The following EPG5 variants were observed in gnomAD, a reference collection of about 807,000 sequenced individuals.
The protein encoded by EPG5 is ectopic P-granules 5 autophagy tethering factor, also known as ectopic P granules protein 5 homolog.
EPG5 carries 159 observed loss-of-function variants against 302.7 expected under a neutral mutation model. That is an observed-to-expected ratio of 0.53 (90% CI 0.46 to 0.60). EPG5 has a LOEUF of 0.60. EPG5 is among the 20% of genes least tolerant of loss of function. The pLI, the probability that EPG5 is intolerant of heterozygous loss-of-function variation, is 0.00. For missense variants in EPG5, 2,896 were observed against 3,092.4 expected (o/e 0.94, Z 1.51); for synonymous variants, 1,158 against 1,136.8 (o/e 1.02, Z -0.37).
chr18:45,821,768 AC>A, the EPG5 span, among the ~76,000 whole-genome samples: 1 of 152,200 alleles, frequency 6.6e-6, no homozygotes, highest in Non-Finnish European at 1.5e-5. Context: ...CAGCAACAAA[AC>A]AAACAATGCA....
chr18:45,809,333 A>G, the EPG5 span, among the ~76,000 whole-genome samples: 1 of 152,188 alleles, frequency 6.6e-6, no homozygotes, highest in Non-Finnish European at 1.5e-5. Context: ...AAAGGCAACA[A>G]AAAAAATTGA....
chr18:45,802,586 C>A, the EPG5 span, among the ~76,000 whole-genome samples: 1 of 152,148 alleles, frequency 6.6e-6, no homozygotes, highest in Admixed American at 6.5e-5. Context: ...CAACCCCACC[C>A]CAGTGCCCAG....
chr18:45,818,580 T>A, the EPG5 span, among the ~76,000 whole-genome samples: 1 of 152,180 alleles, frequency 6.6e-6, no homozygotes, highest in East Asian at 1.9e-4. Context: ...AGTACATTTA[T>A]CAGCCATTTT....
In EPG5 at chr18:45,916,509, G is replaced by A. The variant is rs200305944; in HGVS notation, c.3313C>T (p.His1105Tyr). 5.7e-5 allele frequency: 92 copies of A among 1,613,704 alleles called. No individual in the cohort carries two copies. In the African/African-American group the frequency reaches 1.0e-3, roughly 18 times the overall value. Reference sequence around the variant, plus strand: ...CCTGTCAGGTGCTGTGCCACCTTGTGGGTGACCTGTTGTGTGACACCCTGA... The same window carrying A: ...CCTGTCAGGTGCTGTGCCACCTTGTAGGTGACCTGTTGTGTGACACCCTGA... ...VPQGVTQQVT[H>Y]KVAQHLTGAS... Residue 1105 changes from histidine to tyrosine, a missense_variant, in exon 18 of 44, where the codon CAC (histidine) becomes TAC (tyrosine). This residue lies in a region of EPG5 where 1,390 missense variants were observed against 1,430.0 expected (regional missense o/e 0.97). Transcript: ENST00000282041.
At chr18:45,899,934 T>C (rs2049568566) in intron 26 of EPG5, among the ~76,000 whole-genome samples, 1 of 152,212 alleles carries the variant, frequency 6.6e-6, no homozygotes, top group Admixed American at 6.5e-5. Flanking sequence ...TCTTAGGTAT[T>C]AGCAACTCAA....
At chr18:45,818,691 G>A in the EPG5 span, among the ~76,000 whole-genome samples, 2 of 146,426 alleles carry the variant, frequency 1.4e-5, no homozygotes, top group Non-Finnish European at 3.0e-5. Flanking sequence ...CCCCCACTTC[G>A]TCATTTGCCT....
intron 23 of EPG5, among the ~76,000 whole-genome samples, chr18:45,908,919 A>G (rs901688238): frequency 2.0e-5 from 3 of 152,050 alleles, no homozygotes; most frequent in African/African-American, 7.2e-5. Flanking sequence ...ACTGCACTTC[A>G]GCCTGGGTGA....
intron 26 of EPG5, among the ~76,000 whole-genome samples, chr18:45,900,168 C>G (rs1000334899): frequency 6.6e-6 from 1 of 152,028 alleles, no homozygotes; most frequent in African/African-American, 2.4e-5. Flanking sequence ...TTTGGGAGGC[C>G]GAGGCGGGTG....
downstream of EPG5, among the ~76,000 whole-genome samples, chr18:45,846,646 A>C (rs1257591814): frequency 6.6e-6 from 1 of 152,154 alleles, no homozygotes; most frequent in Non-Finnish European, 1.5e-5. Flanking sequence ...TTGTTACCAG[A>C]AAGGGGTCCC....
chr18:45,889,588 TATAA>T (rs752093128), intron 28 of EPG5, among the ~76,000 whole-genome samples: 54 of 152,160 alleles, frequency 3.5e-4, no homozygotes, highest in Non-Finnish European at 6.2e-4. Flanking sequence ...CCATAGAAAT[TATAA>T]ATAAATGGGG....
At chr18:45,807,742 C>T in the EPG5 span, among the ~76,000 whole-genome samples, 8 of 152,162 alleles carry the variant, frequency 5.3e-5, no homozygotes, top group African/African-American at 1.4e-4. Flanking sequence ...AGACTTCAGC[C>T]GTAGACCTTC....
intron 20 of EPG5, 124 bp from the exon 21 acceptor site, chr18:45,913,952 T>G: frequency 7.9e-7 from 1 of 1,260,996 alleles, no homozygotes; most frequent in Non-Finnish European, 1.1e-6. Flanking sequence ...ATTTGCAGTT[T>G]CTAAAATTAA....
chr18:45,957,600 C>T lies in EPG5; in HGVS notation c.64-2262G>A, dbSNP rs572839844. ...CACATCAGGGACTCTTCATCGCTTA[C>T]GGTTAAGGAGGTGAGTGGTACATCA... On this transcript the variant is annotated intron_variant, in intron 1 of 43. Coordinates refer to ENST00000282041, the MANE Select transcript of EPG5 (RefSeq NM_020964.3). Among the ~76,000 whole-genome samples the T allele has an allele frequency of 2.0e-5, 3 of 152,282 alleles. No homozygotes were observed. The East Asian group carries it at 5.8e-4, about 29-fold the overall frequency.
chr18:45,958,669 T>C (rs1287675808), intron 1 of EPG5, among the ~76,000 whole-genome samples: 1 of 152,126 alleles, frequency 6.6e-6, no homozygotes, highest in East Asian at 1.9e-4. Flanking sequence ...GCAAAAAGGA[T>C]CATACACCTA....
chr18:45,858,735 G>T lies in EPG5; in HGVS notation c.7057C>A (p.Gln2353Lys). 1 of 1,614,210 alleles carries T rather than the reference G, an allele frequency of 6.2e-7. No homozygotes were observed. Residue 2353 changes from glutamine to lysine, a missense_variant, in exon 41 of 44, where the codon CAG becomes AAG. By Grantham distance (53) the Gln-to-Lys change is moderately conservative. This residue lies in a region of EPG5 where 620 missense variants were observed against 704.2 expected (regional missense o/e 0.88). Coordinates refer to ENST00000282041, the MANE Select transcript of EPG5 (RefSeq NM_020964.3). ...TCTTCCATGGTGAGCTCGGGAACCT[G>T]AAGGGATACCAGAATGGGTCCCCAT... is the stretch of plus-strand genomic sequence containing the variant. ...SGWGPILVSLQVPELTMEEFL... is the reference protein window; with the variant it reads ...SGWGPILVSLKVPELTMEEFL...
intron 17 of EPG5, 96 bp downstream of exon 17, chr18:45,917,583 A>G: frequency 5.5e-6 from 8 of 1,463,840 alleles, no homozygotes; most frequent in Non-Finnish European, 7.6e-6. Context: ...TTGAAATAGC[A>G]TTCCCTTTAT....
intron 10 of EPG5, among the ~76,000 whole-genome samples, chr18:45,938,815 C>T (rs1202682876): frequency 6.6e-6 from 1 of 152,164 alleles, no homozygotes; most frequent in Non-Finnish European, 1.5e-5. Flanking sequence ...AAATGGCAGA[C>T]CAAGACTCAA....
chr18:45,890,064 T>A, intron 27 of EPG5, 124 bp from the exon 28 acceptor site: 1 of 690,750 alleles, frequency 1.4e-6, no homozygotes, highest in Non-Finnish European at 2.3e-6. Context: ...TTTATATGAC[T>A]GCCTTATAAA....
the EPG5 span, among the ~76,000 whole-genome samples, chr18:45,806,005 C>A: frequency 3.9e-5 from 6 of 152,080 alleles, no homozygotes; most frequent in African/African-American, 1.5e-4. Flanking sequence ...TACCAACTAC[C>A]TTTTTTATTT....
Sources: gnomAD v4.1 joint callset for allele counts (sites outside exome capture counted in the v4.1 genomes callset) on GRCh38, gnomAD v4.1.1 for gene constraint, gnomAD v4.1.1 regional missense constraint, MANE v1.5 for transcripts, NCBI Gene and HGNC (gene_info 2026-07-23, HGNC 2026-07-21) for gene names.